WASHC4: variants seen among roughly 807,000 people sequenced by gnomAD.
WASHC4 encodes the protein WASH complex subunit 7.
WASHC4 carries 86 observed loss-of-function variants against 166.6 expected under a neutral mutation model. The observed-to-expected ratio is 0.52, with a 90% CI of 0.43 to 0.62. The LOEUF (loss-of-function observed/expected upper bound fraction) is 0.62. WASHC4 is among the 20% of genes least tolerant of loss of function. The pLI is 0.00. For synonymous variants in WASHC4, 446 were observed against 451.6 expected (o/e 0.99, Z 0.16); for missense variants, 1,262 against 1,382.4 (o/e 0.91, Z 1.38).
chr12:105,141,185 G>A lies in WASHC4; in HGVS notation c.1726G>A (p.Glu576Lys). 1 of 1,613,472 alleles carries A rather than the reference G, an allele frequency of 6.2e-7. No homozygotes were observed. The highest frequency in any genetic ancestry group is 1.3e-5 in the African/African-American group (1 of 75,014). Residue 576 changes from glutamate to lysine, a missense_variant, in exon 18 of 33, where the codon GAA (glutamate) becomes AAA (lysine). By Grantham distance (56) the Glu-to-Lys change is moderately conservative. Transcript: ENST00000332180. ...CTGATAGAAAACATTTAAAGATGAA[G>A]AACTCTTTCCACTTCAAGTAGTCAT... ...GTQMKTFKDE[E>K]LFPLQVVMKK... is the part of the protein sequence containing the mutation.
At chr12:105,141,068 T>A (rs760371118) in intron 17 of WASHC4, 23 bp downstream of exon 17, 1 of 1,613,758 alleles carries the variant, frequency 6.2e-7, no homozygotes, top group Non-Finnish European at 8.5e-7. Flanking sequence ...CTATTACTTA[T>A]GGAACAGAAA....
At chr12:105,129,323 G>A (rs529041660) in intron 13 of WASHC4, among the ~76,000 whole-genome samples, 46 of 152,282 alleles carry the variant, frequency 3.0e-4, no homozygotes, top group Admixed American at 1.2e-3. Flanking sequence ...GACCTCAGGT[G>A]ATCCGCCACC....
At chr12:105,138,100 A>G (rs1592883632) in intron 15 of WASHC4, 89 bp downstream of exon 15, 1 of 1,285,672 alleles carries the variant, frequency 7.8e-7, no homozygotes, top group East Asian at 2.4e-5. Context: ...TGACTACATG[A>G]TTATATGAGA....
intron 16 of WASHC4, 96 bp downstream of exon 16, chr12:105,140,497 C>A: frequency 1.1e-6 from 1 of 916,278 alleles, no homozygotes; most frequent in South Asian, 1.4e-5. Flanking sequence ...CCTGTTTATT[C>A]CATTCCTTCA....
In WASHC4 at chr12:105,144,677, T is replaced by A. The variant is rs138302258; in HGVS notation, c.2180-41T>A. 9.3e-4 allele frequency: 1,456 copies of A among 1,567,708 alleles called. 16 individuals carry two copies. The African/African-American group carries it at 0.018, about 19-fold the overall frequency. On this transcript the variant is annotated intron_variant, in intron 21 of 32. Coordinates refer to ENST00000332180, the MANE Select transcript of WASHC4 (RefSeq NM_015275.3). ...TCCTTTTAGGTTTCATTTCTTTTCCTTTTCTACTGTTTCACAAGTTGAATT... is the reference window on the plus strand; with the variant it reads ...TCCTTTTAGGTTTCATTTCTTTTCCATTTCTACTGTTTCACAAGTTGAATT...
chr12:105,156,525 T>C, intron 26 of WASHC4: 1 of 343,326 alleles, frequency 2.9e-6, no homozygotes, highest in East Asian at 5.0e-5. Context: ...TATAGTTATA[T>C]ATAAGTATGT....
intron 26 of WASHC4, chr12:105,156,396 C>G (rs896565956): frequency 6.1e-6 from 1 of 164,190 alleles, no homozygotes; most frequent in Non-Finnish European, 1.3e-5. Flanking sequence ...GAGATTGAAT[C>G]TCAATGTGAG....
Position 105,128,863 on chromosome 12 carries a change from C to T in WASHC4, c.1199+1574C>T, listed in dbSNP as rs576945935. ...GTGTTATCTTGGCTCACTGTAACCT[C>T]TGTCTCCCAGATTCAAGCAGTTCTC... On this transcript the variant is annotated intron_variant, in intron 13 of 32. Coordinates refer to ENST00000332180, the MANE Select transcript of WASHC4 (RefSeq NM_015275.3). Among the ~76,000 whole-genome samples the T allele has an allele frequency of 4.0e-5, 6 of 151,492 alleles. No homozygotes were observed. In the South Asian group the frequency reaches 1.0e-3, roughly 26 times the overall value.
rs1345071234 is a variant in WASHC4, at chr12:105,126,377, CTT to C, written c.1038+16_1038+17del. On this transcript the variant is annotated intron_variant, in intron 12 of 32. Coordinates refer to ENST00000332180, the MANE Select transcript of WASHC4 (RefSeq NM_015275.3). Reference sequence around the variant, plus strand: ...TTTGTAAGAAGGTAAGAACTTGAAACTTATTTTTCAATTTGAGCAGATTAAAA... The same window carrying C: ...TTTGTAAGAAGGTAAGAACTTGAAACATTTTTCAATTTGAGCAGATTAAAA... The C allele has an allele frequency of 6.5e-7, 1 of 1,537,286 alleles. No individual in the cohort carries two copies. The highest frequency in any genetic ancestry group is 1.7e-5 in the Admixed American group (1 of 59,360).
At chr12:105,145,827 A>T (rs927375851) in intron 22 of WASHC4, among the ~76,000 whole-genome samples, 27 of 152,074 alleles carry the variant, frequency 1.8e-4, no homozygotes, top group African/African-American at 6.3e-4. Context: ...CTATTTAAAG[A>T]ATGAAGGATT....
chr12:105,122,218 C>G lies in WASHC4; in HGVS notation c.766C>G (p.Leu256Val). 1 of 1,612,656 alleles carries G rather than the reference C, an allele frequency of 6.2e-7. No individual in the cohort carries two copies. Among genetic ancestry groups the G allele is most frequent in the South Asian group, 1.1e-5 (1 of 91,066 alleles). Residue 256 changes from leucine (L) to valine (V), a missense_variant, in exon 10 of 33, where the codon CTG (leucine) becomes GTG (valine). Leu to Val is a conservative substitution (Grantham distance 32). Transcript: ENST00000332180. ...KFLLKLEGQL[L>V]DGMIFQACIE... ...CTTGCTGAAGCTAGAAGGGCAATTA[C>G]TGGATGGAATGATATTCCAGGTAAG...
chr12:105,160,331 G>A (rs571230465), intron 29 of WASHC4, among the ~76,000 whole-genome samples, 183 bp downstream of exon 29: 2 of 152,162 alleles, frequency 1.3e-5, no homozygotes, highest in Non-Finnish European at 2.9e-5. Flanking sequence ...CATGCTGAAG[G>A]ACACTTTCTT....
intron 26 of WASHC4, among the ~76,000 whole-genome samples, chr12:105,153,600 A>G (rs189617463): frequency 2.7e-4 from 41 of 152,336 alleles, no homozygotes; most frequent in Non-Finnish European, 4.4e-4. Context: ...AAACTCCAGG[A>G]TGATTGTTCC....
intron 14 of WASHC4, 139 bp downstream of exon 14, chr12:105,134,035 G>C: frequency 1.4e-6 from 1 of 738,386 alleles, no homozygotes; most frequent in Non-Finnish European, 2.2e-6. Flanking sequence ...GGATCTGTGT[G>C]ACTTATTAAT....
At chr12:105,160,965 C>CA (rs1368384377) in intron 29 of WASHC4, among the ~76,000 whole-genome samples, 4 of 151,944 alleles carry the variant, frequency 2.6e-5, no homozygotes, top group African/African-American at 9.7e-5. Flanking sequence ...TTCAAGTTAT[C>CA]AAAAATTGCA....
intron 26 of WASHC4, chr12:105,155,178 G>A (rs1186024976): frequency 1.3e-5 from 2 of 152,248 alleles, no homozygotes; most frequent in Non-Finnish European, 2.9e-5. Flanking sequence ...TGAACTCTAG[G>A]TGGGGGAAGA....
At chr12:105,144,999 A>G (rs1592897469) in intron 22 of WASHC4, 127 bp downstream of exon 22, 1 of 962,316 alleles carries the variant, frequency 1.0e-6, no homozygotes, top group East Asian at 2.6e-5. Context: ...TTTGCCATAT[A>G]AAATCTTATA....
intron 6 of WASHC4, among the ~76,000 whole-genome samples, chr12:105,117,542 A>T (rs1286083546): frequency 3.3e-5 from 5 of 152,192 alleles, no homozygotes; most frequent in Non-Finnish European, 5.9e-5. Flanking sequence ...TAAAACTATA[A>T]CTATTTAAAA....
At chr12:105,135,806 C>T (rs1409755973) in intron 14 of WASHC4, among the ~76,000 whole-genome samples, 1 of 152,102 alleles carries the variant, frequency 6.6e-6, no homozygotes, top group Non-Finnish European at 1.5e-5. Context: ...TTCTTCAACA[C>T]ATTCAGCTTA....
Sources: allele counts gnomAD v4.1 joint callset (sites outside exome capture counted in the v4.1 genomes callset), GRCh38; gene constraint gnomAD v4.1.1; transcripts MANE v1.5; gene names NCBI Gene and HGNC (gene_info 2026-07-23, HGNC 2026-07-21).